Variants in BOLL observed in about 807,000 individuals in gnomAD.
The protein encoded by BOLL is protein boule-like.
BOLL carries 23 observed loss-of-function variants against 44.4 expected under a neutral mutation model. That is an observed-to-expected ratio of 0.52 (90% confidence interval 0.37 to 0.73). BOLL has a LOEUF of 0.73. Ranked by LOEUF, BOLL falls within the 30% of genes least tolerant of loss-of-function variation. The pLI is 0.00. For synonymous variants in BOLL, 97 were observed against 110.8 expected, an observed-to-expected ratio of 0.88 and a Z score of 0.78; for missense variants, 287 against 338.3, an observed-to-expected ratio of 0.85 and a Z score of 1.19.
At chr2:197,754,374 C>T (rs954392825) in intron 9 of BOLL, among the ~76,000 whole-genome samples, 3 of 152,050 alleles carry the variant, frequency 2.0e-5, no homozygotes, top group Admixed American at 6.6e-5. Flanking sequence ...AAAATTAACT[C>T]AAGATGGATT....
At chr2:197,762,911 A>G (rs1688825862) in intron 7 of BOLL, among the ~76,000 whole-genome samples, 1 of 152,218 alleles carries the variant, frequency 6.6e-6, no homozygotes, top group Admixed American at 6.5e-5. Flanking sequence ...TGAGACTACA[A>G]AACAATACAA....
chr2:197,768,053 A>C (rs373120953), intron 6 of BOLL, among the ~76,000 whole-genome samples: 30 of 152,182 alleles, frequency 2.0e-4, no homozygotes, highest in African/African-American at 7.2e-4. Flanking sequence ...TTACTGATAG[A>C]TTATCACTAT....
In BOLL at chr2:197,772,658, G is replaced by A. The variant is rs556379473; in HGVS notation, c.353-676C>T. Among the ~76,000 whole-genome samples the A allele has an allele frequency of 4.0e-5, 6 of 151,712 alleles. No individual in the cohort carries two copies. In the South Asian group the frequency reaches 8.3e-4, roughly 21 times the overall value. ...GTCTGGGGTCCCCAACTCTTTTCCC[G>A]GGCCAAGTTATATAAACCCCCACCA... On this transcript the variant is annotated intron_variant, in intron 5 of 10. Transcript: ENST00000392296.
chr2:197,777,852 C>A (rs1456037196), intron 3 of BOLL, among the ~76,000 whole-genome samples: 1 of 151,832 alleles, frequency 6.6e-6, no homozygotes, highest in Non-Finnish European at 1.5e-5. Flanking sequence ...TGCTAAATAT[C>A]TTCACTATTT....
At chr2:197,728,845 G>A (rs557175988) in intron 10 of BOLL, among the ~76,000 whole-genome samples, 8 of 152,334 alleles carry the variant, frequency 5.3e-5, no homozygotes, top group African/African-American at 1.7e-4. Context: ...AATAAAATGA[G>A]GGATGGGTCA....
intron 9 of BOLL, among the ~76,000 whole-genome samples, chr2:197,747,366 G>A (rs1688034301): frequency 1.3e-5 from 2 of 152,008 alleles, no homozygotes; most frequent in Middle Eastern, 3.4e-3. Context: ...GGCTGATTAC[G>A]AGGTCAGGAG....
At chr2:197,747,955 G>T (rs917007680) in intron 9 of BOLL, among the ~76,000 whole-genome samples, 2 of 152,170 alleles carry the variant, frequency 1.3e-5, no homozygotes, top group African/African-American at 4.8e-5. Flanking sequence ...GAGGTCCAGG[G>T]CAAGATGGCC....
In BOLL at chr2:197,729,265, A is replaced by G. The variant is rs544766966; in HGVS notation, c.829-687T>C. On this transcript the variant is annotated intron_variant, in intron 10 of 10. Transcript: ENST00000392296. ...TACTGCGCTTTTCCGACGGGCTTAA[A>G]AAACGGCGCACCACGAGATTATATC... 1.8e-3 allele frequency among the ~76,000 whole-genome samples: 274 copies of G among 152,284 alleles called. 2 individuals carry two copies. The highest frequency in any genetic ancestry group is 3.2e-3 in the Non-Finnish European group (216 of 68,018).
chr2:197,753,805 T>C (rs1336045095), intron 9 of BOLL, among the ~76,000 whole-genome samples: 1 of 152,242 alleles, frequency 6.6e-6, no homozygotes, highest in Non-Finnish European at 1.5e-5. Flanking sequence ...GAGAAGTTTA[T>C]AAATCTTTCT....
intron 10 of BOLL, among the ~76,000 whole-genome samples, chr2:197,733,560 T>C (rs1179208509): frequency 6.6e-6 from 1 of 152,002 alleles, no homozygotes; most frequent in Non-Finnish European, 1.5e-5. Flanking sequence ...GACTTCAAAC[T>C]ATACTACAAG....
At chr2:197,747,121 A>T (rs138668734) in intron 9 of BOLL, among the ~76,000 whole-genome samples, 23 of 151,938 alleles carry the variant, frequency 1.5e-4, no homozygotes, top group African/African-American at 4.6e-4. Flanking sequence ...CACCACAAAC[A>T]AAAAAAAGGA....
intron 5 of BOLL, among the ~76,000 whole-genome samples, chr2:197,772,580 C>T (rs2106378319): frequency 6.6e-6 from 1 of 152,048 alleles, no homozygotes; most frequent in Non-Finnish European, 1.5e-5. Context: ...TCTAGTCTCC[C>T]TTTGCTACAA....
intron 9 of BOLL, among the ~76,000 whole-genome samples, chr2:197,747,582 C>CAAAAAAAA (rs59385223): frequency 1.7e-5 from 1 of 60,188 alleles, no homozygotes; most frequent in Admixed American, 2.6e-4. Flanking sequence ...GACTCGGGCT[C>CAAAAAAAA]AAAAAAAAAA....
chr2:197,755,719 G>A (rs922667431), intron 9 of BOLL, among the ~76,000 whole-genome samples: 2 of 152,158 alleles, frequency 1.3e-5, no homozygotes, highest in Non-Finnish European at 2.9e-5. Flanking sequence ...ACAGGGAGGG[G>A]CACAACACAC....
rs1280858778 is a variant in BOLL at position 197,751,874 on chromosome 2, T to C, written c.729+4554A>G. Among the ~76,000 whole-genome samples, 5 of 151,158 alleles carry C rather than the reference T, an allele frequency of 3.3e-5. No homozygotes were observed. In the East Asian group the frequency reaches 5.8e-4, roughly 18 times the overall value. ...AAAGAAAATTTCAGGCCAACATCCC[T>C]AATGAACATCGAAGCAAAAATCCTC... On this transcript the variant is annotated intron_variant, in intron 9 of 10. Transcript: ENST00000392296.
At chr2:197,749,971 G>A (rs1688161393) in intron 9 of BOLL, among the ~76,000 whole-genome samples, 1 of 152,114 alleles carries the variant, frequency 6.6e-6, no homozygotes, top group Non-Finnish European at 1.5e-5. Context: ...TTACAAGCCA[G>A]AAGAGAGTAG....
intron 10 of BOLL, among the ~76,000 whole-genome samples, chr2:197,732,365 G>C (rs1687231513): frequency 6.6e-6 from 1 of 152,108 alleles, no homozygotes; most frequent in Non-Finnish European, 1.5e-5. Flanking sequence ...ATTCACAGCT[G>C]AATTCTACCA....
chr2:197,777,354 G>C (rs1689566359), intron 3 of BOLL, among the ~76,000 whole-genome samples: 1 of 151,782 alleles, frequency 6.6e-6, no homozygotes, highest in African/African-American at 2.4e-5. Context: ...GCTCTCAGCT[G>C]TATGCAGGAA....
upstream of BOLL, chr2:197,785,340 G>A (rs1398850153): frequency 3.0e-6 from 3 of 985,722 alleles, no homozygotes; most frequent in Non-Finnish European, 3.6e-6. This position sits in a 1 kb window ranked among gnomAD's most constrained non-coding sequence, Gnocchi z 6.7. Flanking sequence ...CTCGCGCGGC[G>A]CTCCCTGATT....
Sources: gnomAD v4.1 joint callset for allele counts (sites outside exome capture counted in the v4.1 genomes callset) on GRCh38, gnomAD v4.1.1 for gene constraint, Gnocchi (gnomAD v3.1) non-coding constraint, MANE v1.5 for transcripts, NCBI Gene and HGNC (gene_info 2026-07-23, HGNC 2026-07-21) for gene names.